Variants in UGT1A7 observed in about 807,000 individuals in gnomAD.
The protein encoded by UGT1A7 is UDP-glucuronosyltransferase 1A7.
A neutral mutation model predicts 45.6 loss-of-function variants in UGT1A7; 33 were observed. That is an observed-to-expected ratio of 0.72 (90% confidence interval 0.55 to 0.97). The LOEUF is 0.97. Ranked by LOEUF, UGT1A7 falls within the 50% of genes least tolerant of loss-of-function variation. UGT1A7 has a pLI of 0.00. For missense variants in UGT1A7, 684 were observed against 666.2 expected (o/e 1.03, Z -0.29); for synonymous variants, 274 against 250.6 (o/e 1.09, Z -0.88).
At chr2:233,698,433 A>G (rs2125575572) in intron 1 of UGT1A7, among the ~76,000 whole-genome samples, 3 of 152,338 alleles carry the variant, frequency 2.0e-5, no homozygotes, top group Middle Eastern at 6.8e-3. Context: ...TTAAGAAAAG[A>G]AGATATATCA....
intron 1 of UGT1A7, among the ~76,000 whole-genome samples, chr2:233,718,350 T>C: frequency 6.6e-6 from 1 of 152,358 alleles, no homozygotes; most frequent in Non-Finnish European, 1.5e-5. Flanking sequence ...CTTTTGGATG[T>C]GCTGTGTTAT....
chr2:233,771,260 CT>C (rs891018282), intron 4 of UGT1A7: 2 of 151,568 alleles, frequency 1.3e-5, no homozygotes, highest in Non-Finnish European at 1.5e-5. Context: ...ATAGGAGTGC[CT>C]TTTTTTTTCT....
intron 1 of UGT1A7, chr2:233,693,427 GA>G (rs1412381412): frequency 6.2e-7 from 1 of 1,614,130 alleles, no homozygotes; most frequent in Non-Finnish European, 8.5e-7. Context: ...TCTTTAAGGA[GA>G]GCAAGTTTGA....
chr2:233,754,979 G>C lies in UGT1A7; in HGVS notation c.856-12055G>C, dbSNP rs541611005. 93 of 1,297,796 alleles carry C rather than the reference G, an allele frequency of 7.2e-5. No homozygotes were observed. In the African/African-American group the frequency reaches 1.2e-3, roughly 17 times the overall value. The allele number at this position is 1,297,796 out of a possible 1,614,324, so 80.4% of individuals were successfully genotyped here. A position where few individuals can be genotyped will look rare whatever the true frequency, so the allele number is the denominator to read the frequency against. On this transcript the variant is annotated intron_variant, in intron 1 of 4. Coordinates refer to ENST00000373426, the MANE Select transcript of UGT1A7 (RefSeq NM_019077.3). The stretch of plus-strand genomic sequence containing the variant: ...CGCCAAAGAACTCCCTGAAGACCTC[G>C]GCGGGGTCACGGAAGCTGAAGACCT...
intron 4 of UGT1A7, among the ~76,000 whole-genome samples, chr2:233,771,796 C>G (rs373628815): frequency 4.6e-5 from 7 of 151,828 alleles, no homozygotes; most frequent in African/African-American, 1.7e-4. Flanking sequence ...CCCTCCCTCC[C>G]TCCCTCCCTT....
intron 1 of UGT1A7, among the ~76,000 whole-genome samples, chr2:233,706,653 C>T (rs940333548): frequency 1.3e-5 from 2 of 152,184 alleles, no homozygotes; most frequent in African/African-American, 4.8e-5. Flanking sequence ...TGCCCCATCA[C>T]TGTAGGTCTG....
chr2:233,721,025 C>T (rs945783424), intron 1 of UGT1A7, among the ~76,000 whole-genome samples: 6 of 152,028 alleles, frequency 3.9e-5, no homozygotes, highest in Non-Finnish European at 8.8e-5. Flanking sequence ...AGCCATCTTT[C>T]TTGTGAGAGA....
chr2:233,714,390 A>G (rs994854711), intron 1 of UGT1A7, among the ~76,000 whole-genome samples: 23 of 152,218 alleles, frequency 1.5e-4, no homozygotes, highest in Non-Finnish European at 2.6e-4. Context: ...AATTGGGCCA[A>G]TGTAGGTGCA....
intron 1 of UGT1A7, among the ~76,000 whole-genome samples, chr2:233,733,657 G>A (rs1194673085): frequency 2.0e-5 from 3 of 152,158 alleles, no homozygotes; most frequent in South Asian, 2.1e-4. Context: ...GGATGAAGCC[G>A]ACTTGATCGA....
At position 233,706,863 on chromosome 2, in the gene UGT1A7, A is replaced by G. The variant is rs557746658; in HGVS notation, c.855+24071A>G. 6.4e-4 allele frequency among the ~76,000 whole-genome samples: 97 copies of G among 152,338 alleles called. 1 individual carries two copies. In the South Asian group the frequency reaches 0.019, roughly 30 times the overall value. Reference sequence around the variant, plus strand: ...CTCAGCAGTCTTTACTAAGATTCCTAGACCTGGCACTTCCCAGCTCTGGTT... The same window carrying G: ...CTCAGCAGTCTTTACTAAGATTCCTGGACCTGGCACTTCCCAGCTCTGGTT... On this transcript the variant is annotated intron_variant, in intron 1 of 4. Coordinates refer to ENST00000373426, the MANE Select transcript of UGT1A7 (RefSeq NM_019077.3).
intron 1 of UGT1A7, among the ~76,000 whole-genome samples, chr2:233,724,353 C>A (rs2077234748): frequency 2.0e-5 from 3 of 148,046 alleles, no homozygotes; most frequent in South Asian, 4.5e-4. Flanking sequence ...CCCCCCACCT[C>A]CCTCCCGGAC....
rs758454924 is a variant in UGT1A7 at position 233,772,344 on chromosome 2, G to A, written c.1378G>A (p.Glu460Lys). The change falls in exon 5 of 5, where the codon GAG becomes AAG. Residue 460 changes from glutamate (E) to lysine (K), a missense_variant. Physicochemically the swap from Glu to Lys is moderately conservative, Grantham distance 56 (BLOSUM62 1). Transcript: ENST00000373426. ...EPLDLAVFWV[E>K]FVMRHKGAPH... ...GCTGGACCTGGCCGTGTTCTGGGTG[G>A]AGTTTGTGATGAGGCACAAGGGCGC... is the stretch of plus-strand genomic sequence containing the variant. 6.2e-7 allele frequency: 1 copy of A among 1,614,240 alleles called. No homozygotes were observed. The highest frequency in any genetic ancestry group is 2.2e-5 in the East Asian group (1 of 44,884).
chr2:233,725,246 AGAG>A (rs1452958185), intron 1 of UGT1A7, among the ~76,000 whole-genome samples: 3 of 47,660 alleles, frequency 6.3e-5, no homozygotes, highest in African/African-American at 3.5e-4. Flanking sequence ...AGGCAGAGGC[AGAG>A]GAGGCAGAGG....
chr2:233,711,834 C>T (rs1439514867), intron 1 of UGT1A7, among the ~76,000 whole-genome samples: 7 of 152,150 alleles, frequency 4.6e-5, no homozygotes, highest in African/African-American at 1.2e-4. Context: ...GACAAGGAGG[C>T]GTCAGCAATC....
rs200127379 is a variant in UGT1A7 at position 233,729,681 on chromosome 2, A to G, written c.856-37353A>G. On this transcript the variant is annotated intron_variant, in intron 1 of 4. Transcript: ENST00000373426. Reference sequence around the variant, plus strand: ...CATGTGATTTAGACTTTAAGGGCACACAGTGTCCAAACCCTTCCTCCTATA... The same window carrying G: ...CATGTGATTTAGACTTTAAGGGCACGCAGTGTCCAAACCCTTCCTCCTATA... 4 of 1,613,946 alleles carry G rather than the reference A, an allele frequency of 2.5e-6. No homozygotes were observed. In the East Asian group the frequency reaches 8.9e-5, roughly 36 times the overall value.
chr2:233,762,662 A>G (rs1559409315), intron 1 of UGT1A7, among the ~76,000 whole-genome samples: 1 of 152,070 alleles, frequency 6.6e-6, no homozygotes, highest in Non-Finnish European at 1.5e-5. Flanking sequence ...TTTGTAGTTT[A>G]AAAAACATTT....
chr2:233,721,992 G>T, intron 1 of UGT1A7: 1 of 260,508 alleles, frequency 3.8e-6, no homozygotes, highest in African/African-American at 2.2e-5. Flanking sequence ...TTTCACGAAT[G>T]TCCTTTAAGT....
intron 1 of UGT1A7, chr2:233,693,251 G>T (rs1429681788): frequency 1.2e-6 from 2 of 1,613,978 alleles, no homozygotes; most frequent in Non-Finnish European, 1.7e-6. Context: ...AGTGCCGTAT[G>T]ACCAAGAAGA....
intron 1 of UGT1A7, among the ~76,000 whole-genome samples, chr2:233,758,507 A>T (rs1490366523): frequency 6.6e-6 from 1 of 152,224 alleles, no homozygotes; most frequent in Non-Finnish European, 1.5e-5. Flanking sequence ...TCTAATAAGG[A>T]CACAACAAAG....
Sources: gnomAD v4.1 joint callset for allele counts (sites outside exome capture counted in the v4.1 genomes callset) on GRCh38, gnomAD v4.1.1 for gene constraint, MANE v1.5 for transcripts, NCBI Gene and HGNC (gene_info 2026-07-23, HGNC 2026-07-21) for gene names.